NR6A1: variants seen among roughly 807,000 people sequenced by gnomAD.
NR6A1 encodes nuclear receptor subfamily 6 group A member 1.
A neutral mutation model predicts 59.1 loss-of-function variants in NR6A1; 7 were observed. That is an observed-to-expected ratio of 0.12 (90% confidence interval 0.07 to 0.22). The LOEUF (loss-of-function observed/expected upper bound fraction) is 0.22. NR6A1 is among the 10% of genes least tolerant of loss of function. NR6A1 has a pLI of 1.00. For missense variants in NR6A1, 468 were observed against 611.6 expected (o/e 0.77, Z 2.48); for synonymous variants, 243 against 236.1 (o/e 1.03, Z -0.27).
At position 124,538,116 on chromosome 9, in the gene NR6A1, C is replaced by T; in HGVS notation, c.800G>A (p.Gly267Asp). The change falls in exon 6 of 10, where the codon GGC (glycine) becomes GAC (aspartate). Residue 267 changes from glycine (G) to aspartate (D), a missense_variant. This residue lies in a region of NR6A1 where 176 missense variants were observed against 264.0 expected (regional missense o/e 0.67). Coordinates refer to ENST00000487099, the MANE Select transcript of NR6A1 (RefSeq NM_033334.4). Reference sequence around the variant, plus strand: ...CCCATCTTCAATCAACATGGGCGTGCCCAATGGTTCCAGGTCCTCGGCTGA... The same window carrying T: ...CCCATCTTCAATCAACATGGGCGTGTCCAATGGTTCCAGGTCCTCGGCTGA... Reference protein sequence around the residue: ...LLSAEDLEPLGTPMLIEDGYA... With the variant: ...LLSAEDLEPLDTPMLIEDGYA... 1.2e-6 allele frequency: 2 copies of T among 1,612,108 alleles called. No individual in the cohort carries two copies. The highest frequency in any genetic ancestry group is 1.1e-5 in the South Asian group (1 of 90,656).
At position 124,524,890 on chromosome 9, in the gene NR6A1, A is replaced by AAC. The variant is rs1554723932; in HGVS notation, c.1202-19_1202-18dup. 1.1e-4 allele frequency: 169 copies of AAC among 1,582,030 alleles called. No homozygotes were observed. The African/African-American group carries it at 1.3e-3, about 12-fold the overall frequency. Reference sequence around the variant, plus strand: ...CCCTGATATCTGTGGAAAAAAAAAAAACACACACACACATACAGGGAATGG... The same window carrying AAC: ...CCCTGATATCTGTGGAAAAAAAAAAAACACACACACACACATACAGGGAATGG... On this transcript the variant is annotated splice_polypyrimidine_tract_variant and intron_variant, in intron 8 of 9. Coordinates refer to ENST00000487099, the MANE Select transcript of NR6A1 (RefSeq NM_033334.4).
intron 2 of NR6A1, chr9:124,658,790 G>C (rs1326863116): frequency 1.3e-5 from 2 of 151,814 alleles, no homozygotes; most frequent in African/African-American, 4.8e-5. Context: ...TTTTAAAATT[G>C]AATCTGTTGA....
intron 2 of NR6A1, chr9:124,599,058 G>C: frequency 1.4e-6 from 1 of 730,184 alleles, no homozygotes; most frequent in Non-Finnish European, 2.6e-6. Flanking sequence ...TTCTCCTTGT[G>C]CTTCAGGAGC....
intron 9 of NR6A1, among the ~76,000 whole-genome samples, chr9:124,524,357 T>C (rs1331238508): frequency 6.6e-6 from 1 of 152,186 alleles, no homozygotes; most frequent in East Asian, 1.9e-4. Context: ...TATCATAAAA[T>C]TCACTCTTTT....
chr9:124,565,337 G>A (rs764746528), intron 2 of NR6A1, among the ~76,000 whole-genome samples: 1 of 152,150 alleles, frequency 6.6e-6, no homozygotes, highest in Non-Finnish European at 1.5e-5. Flanking sequence ...TGAGGCATGA[G>A]AATCGCTTGA....
At chr9:124,525,352 T>C (rs1318613897) in intron 8 of NR6A1, among the ~76,000 whole-genome samples, 2 of 149,914 alleles carry the variant, frequency 1.3e-5, no homozygotes, top group Non-Finnish European at 3.0e-5. Context: ...CTGTTCTTAA[T>C]CTTCTTCCTG....
rs551283856 is a variant in NR6A1, at chr9:124,710,104, G to A, written c.142+23204C>T. On this transcript the variant is annotated intron_variant, in intron 2 of 9. Transcript: ENST00000487099. ...TTTTGATGAAAATGGAAAATGTTTAGGGCTTGGTTTTTTACTGCATCTTAG... is the reference window on the plus strand; with the variant it reads ...TTTTGATGAAAATGGAAAATGTTTAAGGCTTGGTTTTTTACTGCATCTTAG... Among the ~76,000 whole-genome samples the A allele has an allele frequency of 7.9e-5, 12 of 152,172 alleles. 1 individual carries two copies. The South Asian group carries it at 1.9e-3, about 24-fold the overall frequency.
At chr9:124,728,550 G>A (rs1287873075) in intron 2 of NR6A1, among the ~76,000 whole-genome samples, 1 of 151,992 alleles carries the variant, frequency 6.6e-6, no homozygotes, top group East Asian at 2.0e-4. Flanking sequence ...CAGGAGAATC[G>A]CTTGAACCCG....
intron 1 of NR6A1, among the ~76,000 whole-genome samples, chr9:124,734,031 C>T (rs1041579245): frequency 3.3e-5 from 5 of 152,176 alleles, no homozygotes; most frequent in Non-Finnish European, 5.9e-5. Flanking sequence ...AAACATAGTA[C>T]GTCCTCTATA....
At chr9:124,571,325 T>C (rs896305563) in intron 2 of NR6A1, among the ~76,000 whole-genome samples, 8 of 152,194 alleles carry the variant, frequency 5.3e-5, no homozygotes, top group East Asian at 1.9e-4. Context: ...TGGAGTTAGA[T>C]TGACCTGAGG....
At chr9:124,658,311 A>G (rs1837322656) in intron 2 of NR6A1, among the ~76,000 whole-genome samples, 1 of 152,178 alleles carries the variant, frequency 6.6e-6, no homozygotes, top group Non-Finnish European at 1.5e-5. Flanking sequence ...GCACAGCCCA[A>G]TCAGAAGACA....
chr9:124,522,356 C>T lies in NR6A1; in HGVS notation c.*349G>A, dbSNP rs1832819566. The T allele has an allele frequency of 1.2e-5, 2 of 171,882 alleles. No individual in the cohort carries two copies. The highest frequency in any genetic ancestry group is 4.7e-5 in the African/African-American group (2 of 42,108). 10.6% of individuals were successfully genotyped at this position (171,882 alleles called of 1,614,324 possible). ...CATTATGGAAATAGTCATCTTAGCC[C>T]CATCCCACCCTCTCCCTCAAAATAC... is the stretch of plus-strand genomic sequence containing the variant. On this transcript the variant is annotated 3_prime_UTR_variant, in exon 10 of 10. Coordinates refer to ENST00000487099, the MANE Select transcript of NR6A1 (RefSeq NM_033334.4).
At chr9:124,535,721 T>G (rs1033398849) in intron 7 of NR6A1, among the ~76,000 whole-genome samples, 157 bp downstream of exon 7, 1 of 152,192 alleles carries the variant, frequency 6.6e-6, no homozygotes, top group Non-Finnish European at 1.5e-5. Flanking sequence ...ATCAGAGACT[T>G]GGCCAAGGTC....
intron 1 of NR6A1, among the ~76,000 whole-genome samples, chr9:124,741,483 A>T (rs1588845414): frequency 6.6e-6 from 1 of 152,354 alleles, no homozygotes; most frequent in East Asian, 1.9e-4. Flanking sequence ...CTGACTACAG[A>T]GAATTAATAG....
At chr9:124,561,166 T>A (rs1834074781) in intron 2 of NR6A1, among the ~76,000 whole-genome samples, 1 of 152,192 alleles carries the variant, frequency 6.6e-6, no homozygotes, top group South Asian at 2.1e-4. Flanking sequence ...CCAGGCACAG[T>A]GGCTCATGCC....
chr9:124,723,854 A>G (rs1182711226), intron 2 of NR6A1, among the ~76,000 whole-genome samples: 1 of 152,230 alleles, frequency 6.6e-6, no homozygotes, highest in Non-Finnish European at 1.5e-5. Context: ...ATTACAGTGA[A>G]GCCAAGTTGA....
intron 2 of NR6A1, among the ~76,000 whole-genome samples, chr9:124,690,631 C>A (rs1402316047): frequency 1.3e-5 from 2 of 152,046 alleles, no homozygotes; most frequent in Non-Finnish European, 2.9e-5. Flanking sequence ...AACTCTTGGG[C>A]TTAAGGAATC....
At chr9:124,581,933 G>A (rs1353349895) in intron 2 of NR6A1, among the ~76,000 whole-genome samples, 5 of 152,148 alleles carry the variant, frequency 3.3e-5, no homozygotes, top group Non-Finnish European at 5.9e-5. Flanking sequence ...ACAGATGCTG[G>A]CGAGGCCGTG....
rs753242760 is a variant in NR6A1, at chr9:124,660,648, C to CAAAAAAAAA, written c.142+72651_142+72659dup. Among the ~76,000 whole-genome samples, 5 of 92,814 alleles carry CAAAAAAAAA rather than the reference C, an allele frequency of 5.4e-5. 1 individual carries two copies. The highest frequency in any genetic ancestry group is 2.4e-4 in the Admixed American group (2 of 8,302). The allele number at this position is 92,814 out of a possible 152,430, so 60.9% of individuals were successfully genotyped here. On this transcript the variant is annotated intron_variant, in intron 2 of 9. Coordinates refer to ENST00000487099, the MANE Select transcript of NR6A1 (RefSeq NM_033334.4). The stretch of plus-strand genomic sequence containing the variant: ...TGCACTCCTGGCAGCTCTGAGAATA[C>CAAAAAAAAA]AAAAAAAAAAAAAAAAAAAAGGCAA...
Sources: allele counts gnomAD v4.1 joint callset (sites outside exome capture counted in the v4.1 genomes callset), GRCh38; gene constraint gnomAD v4.1.1; regional missense constraint gnomAD v4.1.1; transcripts MANE v1.5; gene names NCBI Gene and HGNC (gene_info 2026-07-23, HGNC 2026-07-21).